PIGN: variants seen among roughly 807,000 people sequenced by gnomAD.
PIGN encodes the protein phosphatidylinositol glycan anchor biosynthesis class N.
PIGN carries 117 observed loss-of-function variants against 125.4 expected under a neutral mutation model. The ratio of observed to expected loss-of-function variants is 0.93; its 90% CI spans 0.80 to 1.09. PIGN has a LOEUF of 1.09. Ranked by LOEUF, PIGN falls within the 50% of genes least tolerant of loss-of-function variation. PIGN has a pLI of 0.00. For missense variants in PIGN, 1,075 were observed against 1,094.9 expected, an observed-to-expected ratio of 0.98 and a Z score of 0.26; for synonymous variants, 392 against 377.8, an observed-to-expected ratio of 1.04 and a Z score of -0.44.
In PIGN at chr18:62,041,640, G is replaced by GGTGTGTTTGT. The variant is rs1555669074; in HGVS notation, c.*4215_*4216insACAAACACAC. 15 of 77,470 alleles carry GGTGTGTTTGT rather than the reference G, an allele frequency of 1.9e-4. No individual in the cohort carries two copies. The highest frequency in any genetic ancestry group is 8.1e-4 in the African/African-American group (15 of 18,430). The allele number at this position is 77,470 out of a possible 1,614,324, so 4.8% of individuals were successfully genotyped here. On this transcript the variant is annotated 3_prime_UTR_variant, in exon 31 of 31. Coordinates refer to ENST00000640252, the MANE Select transcript of PIGN (RefSeq NM_176787.5). ...ATTACAGGAGCCTACCACCCCGCCGGGTGTGTGTGTGTGTGTGTGTGTGTG... is the reference window on the plus strand; with the variant it reads ...ATTACAGGAGCCTACCACCCCGCCGGGTGTGTTTGTGTGTGTGTGTGTGTGTGTGTGTGTG...
intron 16 of PIGN, among the ~76,000 whole-genome samples, chr18:62,111,172 G>C (rs1163993462): frequency 6.6e-6 from 1 of 151,952 alleles, no homozygotes; most frequent in Non-Finnish European, 1.5e-5. Flanking sequence ...GTGGAAAACA[G>C]GTAATTTTTC....
downstream of PIGN, among the ~76,000 whole-genome samples, chr18:62,038,862 G>A (rs1305980332): frequency 2.0e-5 from 3 of 151,900 alleles, no homozygotes; most frequent in South Asian, 6.2e-4. Context: ...AGGAAGCAGT[G>A]AGCCATCATT....
At chr18:62,165,971 G>C (rs2037119428) in intron 1 of PIGN, among the ~76,000 whole-genome samples, 1 of 152,146 alleles carries the variant, frequency 6.6e-6, no homozygotes, top group South Asian at 2.1e-4. Flanking sequence ...TTGAAGAAAA[G>C]AAGAAAAATA....
In PIGN at chr18:62,105,431, G is replaced by A. The variant is rs375371236; in HGVS notation, c.1859+112C>T. On this transcript the variant is annotated intron_variant, in intron 20 of 30. Coordinates refer to ENST00000640252, the MANE Select transcript of PIGN (RefSeq NM_176787.5). ...TTTGATATTGGTATTTTAAATTCCCGTTAGTTCACATGATTTTATATTCTT... is the reference window on the plus strand; with the variant it reads ...TTTGATATTGGTATTTTAAATTCCCATTAGTTCACATGATTTTATATTCTT... 116 of 660,384 alleles carry A rather than the reference G, an allele frequency of 1.8e-4. No homozygotes were observed. In the South Asian group the frequency reaches 2.0e-3, roughly 11 times the overall value. The allele number at this position is 660,384 out of a possible 1,614,324, so 40.9% of individuals were successfully genotyped here. A position where few individuals can be genotyped will look rare whatever the true frequency, so the allele number is the denominator to read the frequency against.
In PIGN at chr18:62,044,647, C is replaced by A. The variant is rs1230187715; in HGVS notation, c.*1209G>T. ...GACTTTTAAATTGTATTTATTCACT[C>A]CCCACCAATTTGAAAAATCTTGTAA... On this transcript the variant is annotated 3_prime_UTR_variant, in exon 31 of 31. Transcript: ENST00000640252. 1 of 152,164 alleles carries A rather than the reference C, an allele frequency of 6.6e-6. No individual in the cohort carries two copies. Among genetic ancestry groups the A allele is most frequent in the African/African-American group, 2.4e-5 (1 of 41,426 alleles). The allele number at this position is 152,164 out of a possible 1,614,324, so 9.4% of individuals were successfully genotyped here. A position where few individuals can be genotyped will look rare whatever the true frequency, so the allele number is the denominator to read the frequency against.
At position 62,031,536 on chromosome 18, in the gene PIGN, T is replaced by C. The variant is rs2144889649; in HGVS notation, c.2143-13795A>G. The stretch of plus-strand genomic sequence containing the variant: ...CTTTGAAGGGAAATGAAAAGTTGAG[T>C]GATGCTCTGCCCCAAGGAAGAAGCA... On this transcript the variant is annotated intron_variant, in intron 23 of 24. Coordinates refer to the PIGN transcript ENST00000639600. Among the ~76,000 whole-genome samples the C allele has an allele frequency of 2.0e-5, 3 of 152,244 alleles. No homozygotes were observed. The South Asian group carries it at 6.2e-4, about 32-fold the overall frequency.
intron 14 of PIGN, among the ~76,000 whole-genome samples, chr18:62,134,509 T>C (rs952405548): frequency 5.9e-5 from 9 of 152,178 alleles, no homozygotes; most frequent in African/African-American, 2.2e-4. Flanking sequence ...CCATGTACAT[T>C]TCCTTCCCTC....
intron 30 of PIGN, among the ~76,000 whole-genome samples, chr18:62,049,611 A>G (rs2145093178): frequency 6.8e-6 from 1 of 148,062 alleles, no homozygotes; most frequent in East Asian, 2.1e-4. Flanking sequence ...CCTTTGTCAG[A>G]TGAGTAGGTT....
At chr18:62,179,498 C>T (rs1470173375) in intron 1 of PIGN, among the ~76,000 whole-genome samples, 1 of 152,116 alleles carries the variant, frequency 6.6e-6, no homozygotes, top group Non-Finnish European at 1.5e-5. Context: ...AATCCTAGCA[C>T]TTTATGAGGC....
intron 23 of PIGN, among the ~76,000 whole-genome samples, chr18:62,032,253 A>C (rs2030203230): frequency 6.6e-6 from 1 of 152,244 alleles, no homozygotes; most frequent in Admixed American, 6.5e-5. Context: ...TCACACCACT[A>C]TACTAAGTAT....
Position 62,140,386 on chromosome 18 carries a change from T to A in PIGN, c.1023+34A>T, listed in dbSNP as rs1029166960. On this transcript the variant is annotated intron_variant, in intron 12 of 30. Coordinates refer to ENST00000640252, the MANE Select transcript of PIGN (RefSeq NM_176787.5). The stretch of plus-strand genomic sequence containing the variant: ...TTTACTGTGCGATAGTTTTTTTTTA[T>A]ACTGAGAGTTGATAATAAAATTTTA... 7.4e-6 allele frequency: 7 copies of A among 942,464 alleles called. No homozygotes were observed. In the Admixed American group the frequency reaches 9.9e-5, roughly 13 times the overall value. 58.4% of individuals were successfully genotyped at this position (942,464 alleles called of 1,614,324 possible). A position where few individuals can be genotyped will look rare whatever the true frequency, so the allele number is the denominator to read the frequency against.
chr18:62,100,911 C>A (rs1011139655), intron 22 of PIGN, among the ~76,000 whole-genome samples, 164 bp downstream of exon 22: 1 of 152,132 alleles, frequency 6.6e-6, no homozygotes, highest in South Asian at 2.1e-4. Flanking sequence ...CATAAAAATT[C>A]TCTTTGTTAA....
chr18:62,053,598 T>C (rs2031490943), intron 30 of PIGN, among the ~76,000 whole-genome samples: 1 of 152,174 alleles, frequency 6.6e-6, no homozygotes, highest in South Asian at 2.1e-4. Context: ...CAAACATTTA[T>C]TTTAAAAAAG....
At chr18:62,117,546 C>G (rs568154281) in intron 14 of PIGN, among the ~76,000 whole-genome samples, 12 of 126,000 alleles carry the variant, frequency 9.5e-5, no homozygotes, top group Admixed American at 1.5e-4. Context: ...ATTCCTCAGC[C>G]CCCCCCTCTA....
intron 25 of PIGN, among the ~76,000 whole-genome samples, chr18:62,086,817 A>G (rs2033729023): frequency 6.6e-6 from 1 of 152,174 alleles, no homozygotes; most frequent in African/African-American, 2.4e-5. Context: ...ATGTGAACTG[A>G]TGCAGTGGGA....
chr18:62,149,233 G>T (rs1026411061), intron 7 of PIGN, among the ~76,000 whole-genome samples: 1 of 151,820 alleles, frequency 6.6e-6, no homozygotes. Context: ...AACACAAATG[G>T]TGCAATTAGA....
At chr18:62,131,667 C>CA (rs2035743983) in intron 14 of PIGN, among the ~76,000 whole-genome samples, 1 of 151,680 alleles carries the variant, frequency 6.6e-6, no homozygotes, top group South Asian at 2.1e-4. Context: ...TTTATTTTTG[C>CA]AAAAAAATAG....
intron 25 of PIGN, among the ~76,000 whole-genome samples, chr18:62,085,652 G>A (rs184763626): frequency 6.6e-5 from 10 of 152,232 alleles, no homozygotes; most frequent in Admixed American, 2.6e-4. Flanking sequence ...TATGCTTGCC[G>A]TAAACCCACC....
intron 14 of PIGN, among the ~76,000 whole-genome samples, chr18:62,131,315 G>A (rs544880170): frequency 1.3e-4 from 20 of 152,094 alleles, no homozygotes; most frequent in South Asian, 6.2e-4. Context: ...TCCCAATTCC[G>A]TATTCTTCCC....
Sources: gnomAD v4.1 joint callset for allele counts (sites outside exome capture counted in the v4.1 genomes callset) on GRCh38, gnomAD v4.1.1 for gene constraint, MANE v1.5 for transcripts, NCBI Gene and HGNC (gene_info 2026-07-23, HGNC 2026-07-21) for gene names.